CLIP1: variants seen among roughly 807,000 people sequenced by gnomAD.
CLIP1 encodes the protein CAP-Gly domain containing linker protein 1.
CLIP1 carries 66 observed loss-of-function variants against 161.6 expected under a neutral mutation model. The ratio of observed to expected loss-of-function variants is 0.41; its 90% CI spans 0.33 to 0.50. The LOEUF is 0.50. Among genes scored for constraint, CLIP1 ranks in the 20% least tolerant of loss-of-function variants. CLIP1 has a pLI of 0.27. For synonymous variants in CLIP1, 598 were observed against 626.2 expected (o/e 0.96, Z 0.67); for missense variants, 1,376 against 1,702.0 (o/e 0.81, Z 3.37).
At chr12:122,363,875 C>T (rs1953999837) in intron 4 of CLIP1, 108 bp downstream of exon 4, 1 of 1,466,628 alleles carries the variant, frequency 6.8e-7, no homozygotes, top group Admixed American at 1.9e-5. Context: ...ATAAAAGTGC[C>T]ACTCTTCCAA....
chr12:122,362,966 T>C (rs1953944935), intron 4 of CLIP1, among the ~76,000 whole-genome samples: 1 of 152,186 alleles, frequency 6.6e-6, no homozygotes, highest in African/African-American at 2.4e-5. Context: ...TTACTGTATC[T>C]GGTAGATAAA....
intron 3 of CLIP1, among the ~76,000 whole-genome samples, chr12:122,374,532 G>A (rs1566190440): frequency 6.6e-6 from 1 of 152,030 alleles, no homozygotes; most frequent in East Asian, 1.9e-4. Context: ...GGGAGGCCGA[G>A]TCGGGTGGAT....
intron 5 of CLIP1, among the ~76,000 whole-genome samples, chr12:122,356,685 C>T (rs148679252): frequency 0.022 from 3,285 of 152,212 alleles, 106 homozygotes; most frequent in African/African-American, 0.075. Flanking sequence ...CCTCTGATGC[C>T]GAGCCGAAGC....
chr12:122,422,491 G>A (rs887495184), intron 1 of CLIP1, 30 bp downstream of exon 1: 5 of 151,840 alleles, frequency 3.3e-5, no homozygotes, highest in Non-Finnish European at 7.4e-5. Flanking sequence ...TGCCGGGAAA[G>A]GGAGAGGGCC....
At position 122,377,869 on chromosome 12, in the gene CLIP1, T is replaced by A. The variant is rs767078862; in HGVS notation, c.177A>T (p.Arg59=). ...CATTCACCCAAACTCGCTCCCCAAC[T>A]CGAAAGTCATCCACAAATTCCTCCT... ...ETQEEFVDDF[R]VGERVWVNGN... is the part of the protein sequence containing the mutation. The change falls in exon 3 of 26, where the codon CGA becomes CGT. Residue 59 remains arginine (R), a synonymous_variant. Transcript: ENST00000620786. 1 of 1,613,886 alleles carries A rather than the reference T, an allele frequency of 6.2e-7. No individual in the cohort carries two copies. The highest frequency in any genetic ancestry group is 1.1e-5 in the South Asian group (1 of 91,052).
intron 3 of CLIP1, among the ~76,000 whole-genome samples, chr12:122,366,344 A>AGT (rs1954170306): frequency 6.7e-6 from 1 of 149,060 alleles, no homozygotes; most frequent in Non-Finnish European, 1.5e-5. Flanking sequence ...TAATTGGCCC[A>AGT]GTGTGGAAGT....
intron 1 of CLIP1, among the ~76,000 whole-genome samples, chr12:122,381,931 A>G (rs1404459869): frequency 6.6e-6 from 1 of 152,236 alleles, no homozygotes; most frequent in African/African-American, 2.4e-5. Context: ...AAGCATCCCT[A>G]TAAGAAGAAG....
At chr12:122,399,234 C>G (rs1956057310) in intron 1 of CLIP1, 2 of 152,210 alleles carry the variant, frequency 1.3e-5, no homozygotes, top group South Asian at 4.1e-4. Context: ...GCTCAGTATT[C>G]CCAACTTCAA....
chr12:122,390,189 AT>A (rs1955545858), intron 1 of CLIP1, among the ~76,000 whole-genome samples: 1 of 136,734 alleles, frequency 7.3e-6, no homozygotes, highest in African/African-American at 2.6e-5. Flanking sequence ...ATATATATAT[AT>A]ATATATAATA....
chr12:122,354,414 G>T (rs768903769), intron 7 of CLIP1, 39 bp downstream of exon 7: 1 of 1,537,318 alleles, frequency 6.5e-7, no homozygotes, highest in Non-Finnish European at 9.0e-7. Flanking sequence ...AAAAAAGGGG[G>T]AAAGGCCACA....
chr12:122,361,727 A>G (rs970314735), intron 4 of CLIP1, among the ~76,000 whole-genome samples: 1 of 152,150 alleles, frequency 6.6e-6, no homozygotes, highest in Middle Eastern at 3.2e-3. Flanking sequence ...CTAGCCAGGC[A>G]TGGTGGTGCA....
intron 3 of CLIP1, among the ~76,000 whole-genome samples, chr12:122,367,761 G>A (rs564087978): frequency 2.6e-4 from 39 of 152,330 alleles, no homozygotes; most frequent in Middle Eastern, 3.4e-3. Flanking sequence ...GCTCATGCCT[G>A]TAATCCCACC....
In CLIP1 at chr12:122,338,024, A is replaced by AC. The variant is rs1207673477; in HGVS notation, c.2452-1277_2452-1276insG. Among the ~76,000 whole-genome samples, 3 of 150,262 alleles carry AC rather than the reference A, an allele frequency of 2.0e-5. No homozygotes were observed. The East Asian group carries it at 5.9e-4, about 29-fold the overall frequency. ...AGCGAGACTCTGTCTCAAAAAAAAA[A>AC]AAAACAAAACCAAAACCAAAAAACC... On this transcript the variant is annotated intron_variant, in intron 11 of 25. Transcript: ENST00000620786.
rs1410133887 is a variant in CLIP1, at chr12:122,361,027, C to A, written c.937G>T (p.Ala313Ser). Residue 313 changes from alanine (A) to serine (S), a missense_variant, in exon 5 of 26, where the codon GCC becomes TCC. Transcript: ENST00000620786. ...TSASLKRSPS[A>S]SSLSSMSSVA... Reference sequence around the variant, plus strand: ...GAGCTCATGGAGCTGAGGGAAGAGGCAGAAGGGCTGCGCTTCAGGCTGGCG... The same window carrying A: ...GAGCTCATGGAGCTGAGGGAAGAGGAAGAAGGGCTGCGCTTCAGGCTGGCG... 1.9e-6 allele frequency: 3 copies of A among 1,614,226 alleles called. No individual in the cohort carries two copies. Among genetic ancestry groups the A allele is most frequent in the Admixed American group, 1.7e-5 (1 of 60,024 alleles).
chr12:122,418,913 CAAAGTG>C (rs1052502710), intron 1 of CLIP1, among the ~76,000 whole-genome samples: 1 of 152,192 alleles, frequency 6.6e-6, no homozygotes, highest in African/African-American at 2.4e-5. Context: ...AAAAGTCATA[CAAAGTG>C]AAAGTCTCGA....
intron 2 of CLIP1, among the ~76,000 whole-genome samples, chr12:122,380,097 GC>G: frequency 6.6e-6 from 1 of 151,626 alleles, no homozygotes; most frequent in Admixed American, 6.6e-5. Flanking sequence ...ACAAAAATTA[GC>G]TGAGCGTGGT....
chr12:122,337,830 A>G (rs1449023219), intron 11 of CLIP1, among the ~76,000 whole-genome samples: 2 of 151,800 alleles, frequency 1.3e-5, no homozygotes, highest in African/African-American at 4.8e-5. Context: ...CCTGGCCAAC[A>G]TGGTGAAACC....
chr12:122,352,642 G>A (rs1434780132), intron 8 of CLIP1, 84 bp downstream of exon 8: 7 of 1,243,600 alleles, frequency 5.6e-6, no homozygotes, highest in Non-Finnish European at 8.3e-6. Context: ...TGTTCTGGCC[G>A]CTCATTTCAA....
intron 24 of CLIP1, chr12:122,277,818 A>C (rs1352641118): frequency 4.4e-6 from 1 of 227,520 alleles, no homozygotes; most frequent in Non-Finnish European, 8.6e-6. Context: ...TTTATGTAGT[A>C]TGCCATTATT....
Sources: allele counts gnomAD v4.1 joint callset (sites outside exome capture counted in the v4.1 genomes callset), GRCh38; gene constraint gnomAD v4.1.1; transcripts MANE v1.5; gene names NCBI Gene and HGNC (gene_info 2026-07-23, HGNC 2026-07-21).